The following MTCL2 variants were observed in gnomAD, a reference collection of about 807,000 sequenced individuals.
MTCL2 encodes the protein microtubule cross-linking factor 2.
At chr20:36,825,710 G>T in the MTCL2 span, among the ~76,000 whole-genome samples, 1 of 152,214 alleles carries the variant, frequency 6.6e-6, no homozygotes, top group Non-Finnish European at 1.5e-5. Flanking sequence ...TGGGACTGAG[G>T]CTCTGGCAGA....
chr20:36,778,763 G>GAC, the MTCL2 span: 1 of 152,330 alleles, frequency 6.6e-6, no homozygotes, highest in African/African-American at 2.4e-5. Flanking sequence ...GTGCTCTAGG[G>GAC]ACCACAGGGC....
chr20:36,822,788 C>T, the MTCL2 span, among the ~76,000 whole-genome samples: 6 of 149,706 alleles, frequency 4.0e-5, no homozygotes, highest in South Asian at 2.1e-4. Context: ...GACAGGGTCT[C>T]ACTCTGTCGC....
chr20:36,808,415 G>T, the MTCL2 span: 12 of 921,216 alleles, frequency 1.3e-5, no homozygotes, highest in Non-Finnish European at 1.8e-5. Context: ...TGGCAGGTAT[G>T]TGAGCCTAGG....
At chr20:36,837,738 G>A in the MTCL2 span, among the ~76,000 whole-genome samples, 44,910 of 151,474 alleles carry the variant, frequency 0.3, 7,530 homozygotes, top group Middle Eastern at 0.43. Flanking sequence ...CACCACACTC[G>A]GCTAATTTGT....
chr20:36,824,582 T>C, the MTCL2 span, among the ~76,000 whole-genome samples: 1 of 152,160 alleles, frequency 6.6e-6, no homozygotes, highest in Non-Finnish European at 1.5e-5. Flanking sequence ...AATTAGATAA[T>C]GGTGACGCTA....
chr20:36,827,214 A>C, the MTCL2 span, among the ~76,000 whole-genome samples: 1 of 151,386 alleles, frequency 6.6e-6, no homozygotes, highest in Non-Finnish European at 1.5e-5. Flanking sequence ...ACACCCAGCT[A>C]ATTTTTTTTT....
the MTCL2 span, chr20:36,839,418 G>A: frequency 1.4e-5 from 23 of 1,613,366 alleles, no homozygotes; most frequent in South Asian, 6.6e-5. The surrounding 1 kb of genome is among the most constrained non-coding windows in gnomAD (Gnocchi z 5.1). Context: ...CCAGCATCTC[G>A]GCCCGCAGCT....
chr20:36,804,974 T>C, the MTCL2 span: 2 of 1,548,740 alleles, frequency 1.3e-6, no homozygotes, highest in East Asian at 4.6e-5. Context: ...TTCAGAGAAC[T>C]CACCTAGGAG....
At chr20:36,850,430 G>A in the MTCL2 span, among the ~76,000 whole-genome samples, 1 of 152,130 alleles carries the variant, frequency 6.6e-6, no homozygotes, top group East Asian at 1.9e-4. Flanking sequence ...AGGAGGCTAA[G>A]GCGGAGAATT....
At chr20:36,810,760 G>A in the MTCL2 span, among the ~76,000 whole-genome samples, 2 of 68,374 alleles carry the variant, frequency 2.9e-5, no homozygotes, top group African/African-American at 9.2e-5. Flanking sequence ...CTCTTTCAAC[G>A]GAGTTTCGCC....
the MTCL2 span, among the ~76,000 whole-genome samples, chr20:36,847,507 G>A: frequency 3.2e-4 from 48 of 152,278 alleles, no homozygotes; most frequent in Non-Finnish European, 4.4e-4. Context: ...AGGGCAGACC[G>A]TGGCACAGAG....
the MTCL2 span, among the ~76,000 whole-genome samples, chr20:36,817,201 AG>A: frequency 9.6e-4 from 138 of 143,060 alleles, 1 homozygote; most frequent in South Asian, 0.031. Flanking sequence ...TGGGAGGTAG[AG>A]GTTGCAGTGA....
At chr20:36,838,521 A>G in the MTCL2 span, among the ~76,000 whole-genome samples, 1 of 151,938 alleles carries the variant, frequency 6.6e-6, no homozygotes, top group Non-Finnish European at 1.5e-5. Flanking sequence ...CAGGAGGTGG[A>G]GGCTACAGTG....
At chr20:36,844,326 C>T in the MTCL2 span, among the ~76,000 whole-genome samples, 3 of 151,630 alleles carry the variant, frequency 2.0e-5, no homozygotes, top group African/African-American at 4.9e-5. Context: ...GAGGCTGAGG[C>T]AGGAGGATCA....
the MTCL2 span, among the ~76,000 whole-genome samples, chr20:36,806,313 A>G: frequency 6.6e-6 from 1 of 152,186 alleles, no homozygotes; most frequent in Non-Finnish European, 1.5e-5. Flanking sequence ...CAAGGAGATC[A>G]GGGACCTAGT....
chr20:36,810,073 T>A, the MTCL2 span: 1 of 1,599,210 alleles, frequency 6.3e-7, no homozygotes, highest in Admixed American at 1.7e-5. Context: ...GAGGCTGTCG[T>A]GGGCCTCAGC....
At chr20:36,862,579 G>T in the MTCL2 span, 10 of 1,328,628 alleles carry the variant, frequency 7.5e-6, no homozygotes, top group Admixed American at 2.2e-4. Context: ...GGGAAGGAGG[G>T]CCGGCTGGTG....
At chr20:36,838,387 A>AGG in the MTCL2 span, among the ~76,000 whole-genome samples, 1 of 152,216 alleles carries the variant, frequency 6.6e-6, no homozygotes, top group Admixed American at 6.5e-5. Flanking sequence ...TTGAGCCCAG[A>AGG]AGTTTGAGAC....
chr20:36,846,354 CT>C, the MTCL2 span, among the ~76,000 whole-genome samples: 9 of 152,316 alleles, frequency 5.9e-5, no homozygotes, highest in Non-Finnish European at 1.2e-4. Context: ...TGGCCACCTC[CT>C]TCAAGTTGAC....
Sources: gnomAD v4.1 joint callset for allele counts (sites outside exome capture counted in the v4.1 genomes callset) on GRCh38, gnomAD v4.1.1 for gene constraint, Gnocchi (gnomAD v3.1) non-coding constraint, MANE v1.5 for transcripts, NCBI Gene and HGNC (gene_info 2026-07-23, HGNC 2026-07-21) for gene names.